The following PHF3 variants were observed in gnomAD, a reference collection of about 807,000 sequenced individuals.
PHF3 encodes the protein PHD finger protein 3.
A neutral mutation model predicts 178.4 loss-of-function variants in PHF3; 41 were observed. That is an observed-to-expected ratio of 0.23 (90% CI 0.18 to 0.30). The LOEUF is 0.30. Ranked by LOEUF, PHF3 falls within the 10% of genes least tolerant of loss-of-function variation. The pLI, the probability that PHF3 is intolerant of heterozygous loss-of-function variation, is 1.00. For synonymous variants in PHF3, 842 were observed against 800.5 expected (o/e 1.05, Z -0.88); for missense variants, 2,346 against 2,398.1 (o/e 0.98, Z 0.45).
At chr6:63,688,185 CAAA>C (rs1212338768) in intron 4 of PHF3, among the ~76,000 whole-genome samples, 1 of 62,186 alleles carries the variant, frequency 1.6e-5, no homozygotes, top group East Asian at 4.8e-4. Flanking sequence ...GACTCCGTCT[CAAA>C]AAAAAAAAAA....
intron 2 of PHF3, among the ~76,000 whole-genome samples, chr6:63,678,044 T>C (rs1582058320): frequency 6.6e-6 from 1 of 151,484 alleles, no homozygotes; most frequent in African/African-American, 2.4e-5. Context: ...CCAACATGGC[T>C]AAACCCCGTC....
intron 2 of PHF3, among the ~76,000 whole-genome samples, chr6:63,656,923 C>T (rs1196857275): frequency 6.6e-6 from 1 of 152,128 alleles, no homozygotes; most frequent in Non-Finnish European, 1.5e-5. Context: ...TTCCTCCAAC[C>T]CAGTTTAGGA....
At position 63,712,285 on chromosome 6, in the gene PHF3, A is replaced by G; in HGVS notation, c.4697A>G (p.Asp1566Gly). The G allele has an allele frequency of 1.2e-6, 2 of 1,613,818 alleles. No individual in the cohort carries two copies. The highest frequency in any genetic ancestry group is 1.7e-6 in the Non-Finnish European group (2 of 1,179,880). Residue 1566 changes from aspartate (D) to glycine (G), a missense_variant, in exon 16 of 16, where the codon GAT (aspartate) becomes GGT (glycine). By Grantham distance (94) the Asp-to-Gly change is moderately conservative (BLOSUM62 -1). This residue lies in a region of PHF3 where 839 missense variants were observed against 806.9 expected (regional missense o/e 1.04). Transcript: ENST00000262043. Reference sequence around the variant, plus strand: ...CTTAGTCTCAGAGGTAAGCCACCAGATGTTTCTACAGAAGCATTTTTAACA... The same window carrying G: ...CTTAGTCTCAGAGGTAAGCCACCAGGTGTTTCTACAGAAGCATTTTTAACA... ...TSLSLRGKPP[D>G]VSTEAFLTNL...
intron 5 of PHF3, 33 bp downstream of exon 5, chr6:63,692,076 T>C (rs1767031788): frequency 6.8e-7 from 1 of 1,469,040 alleles, no homozygotes; most frequent in Non-Finnish European, 9.2e-7. Context: ...ATTTTGTTTA[T>C]TTAAGAGCTT....
At position 63,721,660 on chromosome 6, in the gene PHF3, C is replaced by T; in HGVS notation, c.*7952C>T. The stretch of plus-strand genomic sequence containing the variant: ...AGATCCAGGTAGCCTTCTGCACCAA[C>T]TCTTCCTGCTTTTATTATATGCCAA... On this transcript the variant is annotated 3_prime_UTR_variant, in exon 16 of 16. Transcript: ENST00000262043. 1.3e-6 allele frequency: 2 copies of T among 1,551,496 alleles called. No individual in the cohort carries two copies. Among genetic ancestry groups the T allele is most frequent in the South Asian group, 1.2e-5 (1 of 84,042 alleles).
rs1765553452 is a variant in PHF3, at chr6:63,663,458, A to C, written c.245-16542A>C. On this transcript the variant is annotated intron_variant, in intron 2 of 15. Coordinates refer to ENST00000262043, the MANE Select transcript of PHF3 (RefSeq NM_001370348.2). Reference sequence around the variant, plus strand: ...AAAGCTGGCTACCTAGATTTCTCCAAATCATAGACCTAGACCTCCTTAGCC... The same window carrying C: ...AAAGCTGGCTACCTAGATTTCTCCACATCATAGACCTAGACCTCCTTAGCC... 2.6e-5 allele frequency among the ~76,000 whole-genome samples: 4 copies of C among 152,236 alleles called. No individual in the cohort carries two copies. The South Asian group carries it at 8.3e-4, about 32-fold the overall frequency.
At chr6:63,655,662 A>G (rs896273502) in intron 2 of PHF3, among the ~76,000 whole-genome samples, 1 of 152,106 alleles carries the variant, frequency 6.6e-6, no homozygotes, top group African/African-American at 2.4e-5. Context: ...TCTTTAAATT[A>G]TATGCAATAT....
At chr6:63,662,066 GT>G (rs1765492402) in intron 2 of PHF3, among the ~76,000 whole-genome samples, 1 of 152,124 alleles carries the variant, frequency 6.6e-6, no homozygotes, top group South Asian at 2.1e-4. Flanking sequence ...GAACCCTATT[GT>G]GAACTCTGCA....
intron 2 of PHF3, among the ~76,000 whole-genome samples, chr6:63,678,249 C>T (rs530447160): frequency 3.4e-4 from 51 of 150,508 alleles, no homozygotes; most frequent in African/African-American, 1.2e-3. Flanking sequence ...AAACAAAAAA[C>T]AACAAAAAAC....
intron 2 of PHF3, among the ~76,000 whole-genome samples, chr6:63,675,698 AT>A (rs1478391723): frequency 5.5e-4 from 83 of 152,208 alleles, no homozygotes; most frequent in Admixed American, 5.4e-3. Flanking sequence ...CTAATTGTAG[AT>A]TGTTGACCAA....
At position 63,722,523 on chromosome 6, in the gene PHF3, G is replaced by A. The variant is rs1884118; in HGVS notation, c.*8815G>A. The stretch of plus-strand genomic sequence containing the variant: ...CATCCAGCATCTGAAGTTGCAATGA[G>A]GCATTCAGAAGAAAAGTAAAGGCAA... On this transcript the variant is annotated 3_prime_UTR_variant, in exon 16 of 16. Coordinates refer to ENST00000262043, the MANE Select transcript of PHF3 (RefSeq NM_001370348.2). 0.016 allele frequency among the ~76,000 whole-genome samples: 2,430 copies of A among 152,220 alleles called. 67 individuals carry two copies. Among genetic ancestry groups the A allele is most frequent in the African/African-American group, 0.056 (2,314 of 41,512 alleles).
Position 63,712,710 on chromosome 6 carries a change from T to A in PHF3, c.5122T>A (p.Ser1708Thr), listed in dbSNP as rs753990174. 1 of 1,613,990 alleles carries A rather than the reference T, an allele frequency of 6.2e-7. No individual in the cohort carries two copies. The highest frequency in any genetic ancestry group is 1.7e-5 in the Admixed American group (1 of 59,982). Residue 1708 changes from serine (S) to threonine (T), a missense_variant, in exon 16 of 16, where the codon TCG becomes ACG. Physicochemically the swap from Ser to Thr is moderately conservative, Grantham distance 58. Around this residue, in one of 8 missense-constraint regions of PHF3, gnomAD observed 839 missense variants for 806.9 expected, o/e 1.04. Transcript: ENST00000262043. ...AAAGTTGTGTTCTGCAGAGAAAAAC[T>A]CGTGTGTTCAGCAGAGTGACAATTT... ...EEKLCSAEKN[S>T]CVQQSDNLKV...
chr6:63,678,443 G>A (rs936316044), intron 2 of PHF3, among the ~76,000 whole-genome samples: 3 of 152,094 alleles, frequency 2.0e-5, no homozygotes, highest in African/African-American at 7.2e-5. Flanking sequence ...GGTTAAAAGC[G>A]TGGGCTCTAT....
At position 63,685,176 on chromosome 6, in the gene PHF3, G is replaced by A. The variant is rs369827267; in HGVS notation, c.1454G>A (p.Ser485Asn). Residue 485 changes from serine to asparagine, a missense_variant, in exon 4 of 16, where the codon AGT becomes AAT. Physicochemically the swap from Ser to Asn is conservative, Grantham distance 46. Coordinates refer to ENST00000262043, the MANE Select transcript of PHF3 (RefSeq NM_001370348.2). ...SSSVSYLESK[S>N]VKSKHTKPVI... ...AGCGTTTCTTACTTAGAGTCAAAAA[G>A]TGTAAAATCCAAACATACAAAACCT... The A allele has an allele frequency of 1.2e-5, 20 of 1,613,944 alleles. No homozygotes were observed. The highest frequency in any genetic ancestry group is 1.1e-4 in the East Asian group (5 of 44,874).
chr6:63,700,905 C>T (rs1639093356), intron 9 of PHF3, among the ~76,000 whole-genome samples: 1 of 152,094 alleles, frequency 6.6e-6, no homozygotes, highest in African/African-American at 2.4e-5. Flanking sequence ...TTCTCCATTC[C>T]TCTAGTTCTT....
chr6:63,657,483 G>A (rs1765286455), intron 2 of PHF3, among the ~76,000 whole-genome samples: 1 of 152,066 alleles, frequency 6.6e-6, no homozygotes, highest in Non-Finnish European at 1.5e-5. Context: ...ATTATCTACT[G>A]TATTCTTACA....
intron 2 of PHF3, among the ~76,000 whole-genome samples, chr6:63,649,885 A>G (rs1382723986): frequency 1.3e-5 from 2 of 152,214 alleles, no homozygotes; most frequent in Non-Finnish European, 2.9e-5. Flanking sequence ...TATACTGTTT[A>G]TATATACCAC....
chr6:63,636,279 G>A, intron 1 of PHF3, 129 bp downstream of exon 1: 1 of 239,084 alleles, frequency 4.2e-6, no homozygotes, highest in Non-Finnish European at 8.0e-6. Context: ...CTTTTCTCCC[G>A]CGCAGCCGAG....
intron 1 of PHF3, among the ~76,000 whole-genome samples, chr6:63,639,176 T>C (rs1181394753): frequency 1.3e-5 from 2 of 152,190 alleles, no homozygotes; most frequent in Non-Finnish European, 2.9e-5. Flanking sequence ...AGAGTGGATA[T>C]AGAGAAATAG....
Sources: gnomAD v4.1 joint callset for allele counts (sites outside exome capture counted in the v4.1 genomes callset) on GRCh38, gnomAD v4.1.1 for gene constraint, gnomAD v4.1.1 regional missense constraint, MANE v1.5 for transcripts, NCBI Gene and HGNC (gene_info 2026-07-23, HGNC 2026-07-21) for gene names.